Variants in ZNF385D observed in about 807,000 individuals in gnomAD.
The protein encoded by ZNF385D is zinc finger protein 659.
ZNF385D carries 15 observed loss-of-function variants against 35.8 expected under a neutral mutation model. That is an observed-to-expected ratio of 0.42 (90% CI 0.28 to 0.64). The LOEUF is 0.64. Ranked by LOEUF, ZNF385D falls within the 30% of genes least tolerant of loss-of-function variation. The probability of loss-of-function intolerance (pLI) is 0.23; values close to 1 mark genes in which losing one functional copy is unlikely to be tolerated. For missense variants in ZNF385D, 474 were observed against 494.6 expected, an observed-to-expected ratio of 0.96 and a Z score of 0.39; for synonymous variants, 212 against 186.8, an observed-to-expected ratio of 1.13 and a Z score of -1.10.
intron 3 of ZNF385D, among the ~76,000 whole-genome samples, chr3:21,810,556 GTA>G (rs1319659590): frequency 3.3e-5 from 5 of 151,928 alleles, no homozygotes; most frequent in African/African-American, 7.3e-5. Flanking sequence ...ATGTATGTAT[GTA>G]TATGTTTATT....
chr3:21,723,677 A>G (rs1416058962), intron 1 of ZNF385D, among the ~76,000 whole-genome samples: 1 of 152,180 alleles, frequency 6.6e-6, no homozygotes, highest in Non-Finnish European at 1.5e-5. Flanking sequence ...CATTTGATTG[A>G]TGTGCTTGAA....
chr3:21,872,273 T>C (rs73040543), intron 3 of ZNF385D, among the ~76,000 whole-genome samples: 13,958 of 152,172 alleles, frequency 0.092, 795 homozygotes, highest in East Asian at 0.15. Context: ...AAGGTTTGTT[T>C]CCATTTGAGC....
intron 2 of ZNF385D, among the ~76,000 whole-genome samples, chr3:22,198,444 T>G (rs1373313915): frequency 6.6e-6 from 1 of 152,038 alleles, no homozygotes; most frequent in African/African-American, 2.4e-5. Context: ...CTTTTACACA[T>G]GGGAAATAAT....
At chr3:22,127,853 A>G (rs981091166) in intron 3 of ZNF385D, among the ~76,000 whole-genome samples, 50 of 151,716 alleles carry the variant, frequency 3.3e-4, no homozygotes, top group African/African-American at 1.1e-3. Flanking sequence ...TATACTATCT[A>G]TGTCTTTAAA....
chr3:22,141,914 A>T (rs191387097), intron 3 of ZNF385D, among the ~76,000 whole-genome samples: 2 of 152,338 alleles, frequency 1.3e-5, no homozygotes, highest in Non-Finnish European at 2.9e-5. Flanking sequence ...GTGGCATTTT[A>T]TTGCCTCTTA....
chr3:21,660,686 A>C (rs2066211764), intron 2 of ZNF385D, among the ~76,000 whole-genome samples: 1 of 152,244 alleles, frequency 6.6e-6, no homozygotes, highest in Non-Finnish European at 1.5e-5. Context: ...TCTGTTCTGA[A>C]CAACAACCCA....
chr3:21,600,998 A>T (rs1424896818), intron 2 of ZNF385D, among the ~76,000 whole-genome samples: 1 of 152,136 alleles, frequency 6.6e-6, no homozygotes. Flanking sequence ...ATTTGCATGG[A>T]AAGTTGTGGT....
At position 21,482,965 on chromosome 3, in the gene ZNF385D, A is replaced by G. The variant is rs1487718635; in HGVS notation, c.439+27896T>C. 3.3e-5 allele frequency among the ~76,000 whole-genome samples: 5 copies of G among 152,290 alleles called. No homozygotes were observed. The East Asian group carries it at 9.7e-4, about 29-fold the overall frequency. On this transcript the variant is annotated intron_variant, in intron 4 of 7. Transcript: ENST00000281523. ...AAATTACCAAAACCAGAAAATTGAC[A>G]TTAGACAGTATTATTAAAAACTAGA... is the stretch of plus-strand genomic sequence containing the variant.
At chr3:21,560,414 G>C (rs1481054225) in intron 3 of ZNF385D, among the ~76,000 whole-genome samples, 1 of 152,088 alleles carries the variant, frequency 6.6e-6, no homozygotes, top group Non-Finnish European at 1.5e-5. Context: ...AGGCCCCTCT[G>C]CTGCAGGTTT....
intron 3 of ZNF385D, among the ~76,000 whole-genome samples, chr3:21,515,965 A>T (rs2125484711): frequency 6.6e-6 from 1 of 152,304 alleles, no homozygotes; most frequent in Non-Finnish European, 1.5e-5. Context: ...TGGTCTTTTG[A>T]GATGTTTTTC....
chr3:21,719,364 G>A (rs982473485), intron 1 of ZNF385D, among the ~76,000 whole-genome samples: 21 of 152,178 alleles, frequency 1.4e-4, no homozygotes, highest in African/African-American at 3.9e-4. Context: ...GGAACTGACC[G>A]TGTTCTCTGG....
chr3:21,672,119 C>T (rs12633967), intron 1 of ZNF385D, among the ~76,000 whole-genome samples: 9 of 151,992 alleles, frequency 5.9e-5, no homozygotes, highest in Admixed American at 2.6e-4. Context: ...ACCCATATTT[C>T]CTTAAACCTC....
chr3:22,205,266 T>G (rs1697073162), intron 2 of ZNF385D, among the ~76,000 whole-genome samples: 2 of 151,976 alleles, frequency 1.3e-5, no homozygotes, highest in Admixed American at 6.6e-5. Context: ...GTATATTTAG[T>G]GAAAATATCC....
intron 2 of ZNF385D, among the ~76,000 whole-genome samples, chr3:21,636,392 A>ATGAT (rs1171265974): frequency 0.035 from 1,375 of 39,100 alleles, 14 homozygotes; most frequent in South Asian, 0.083. Flanking sequence ...ATATATATAT[A>ATGAT]TATATATATA....
At position 22,016,698 on chromosome 3, in the gene ZNF385D, T is replaced by A. The variant is rs552326676; in HGVS notation, c.325+152119A>T. 2.3e-3 allele frequency among the ~76,000 whole-genome samples: 349 copies of A among 151,780 alleles called. 1 individual carries two copies. Among genetic ancestry groups the A allele is most frequent in the Non-Finnish European group, 4.2e-3 (283 of 67,908 alleles). ...GCCTGAGGAGAGTAGCCCCGGAGAG[T>A]CATCTGGACTTCCAATTTACTTTGC... On this transcript the variant is annotated intron_variant, in intron 3 of 5. Transcript: ENST00000494108.
chr3:21,449,383 A>T (rs1428402506), intron 4 of ZNF385D, among the ~76,000 whole-genome samples: 1 of 152,180 alleles, frequency 6.6e-6, no homozygotes, highest in Non-Finnish European at 1.5e-5. Flanking sequence ...TAAGAGTTAA[A>T]TCACAACATC....
Position 21,985,813 on chromosome 3 carries a change from G to C in ZNF385D, c.325+183004C>G, listed in dbSNP as rs199913906. On this transcript the variant is annotated intron_variant, in intron 3 of 5. Transcript: ENST00000494108. Reference sequence around the variant, plus strand: ...ATCTGGTCCTGGACTCTTTTTGGTTGGTAAACTATTGATTATTGCCACAAT... The same window carrying C: ...ATCTGGTCCTGGACTCTTTTTGGTTCGTAAACTATTGATTATTGCCACAAT... Among the ~76,000 whole-genome samples, 44 of 107,778 alleles carry C rather than the reference G, an allele frequency of 4.1e-4. No individual in the cohort carries two copies. The East Asian group carries it at 0.01, about 25-fold the overall frequency. 70.7% of individuals were successfully genotyped at this position (107,778 alleles called of 152,430 possible). A position where few individuals can be genotyped will look rare whatever the true frequency, so the allele number is the denominator to read the frequency against.
At chr3:22,269,299 G>T (rs536198189) in intron 2 of ZNF385D, among the ~76,000 whole-genome samples, 1 of 152,014 alleles carries the variant, frequency 6.6e-6, no homozygotes, top group East Asian at 1.9e-4. Context: ...ATCCTTGGTG[G>T]CTATAAGACC....
At chr3:22,371,144 A>G (rs1177308209) in intron 2 of ZNF385D, among the ~76,000 whole-genome samples, 1 of 152,182 alleles carries the variant, frequency 6.6e-6, no homozygotes, top group Non-Finnish European at 1.5e-5. Flanking sequence ...TTTGCCTTTC[A>G]TGCTTAGAGA....
Sources: allele counts gnomAD v4.1 joint callset (sites outside exome capture counted in the v4.1 genomes callset), GRCh38; gene constraint gnomAD v4.1.1; transcripts MANE v1.5; gene names NCBI Gene and HGNC (gene_info 2026-07-23, HGNC 2026-07-21).